The following LRRC4C variants were observed in gnomAD, a reference collection of about 807,000 sequenced individuals.
LRRC4C encodes the protein leucine rich repeat containing 4C.
Under a neutral mutation model 33.6 loss-of-function variants are expected in LRRC4C, and 5 were observed. That is an observed-to-expected ratio of 0.15 (90% CI 0.08 to 0.31). LRRC4C has a LOEUF of 0.31. Among genes scored for constraint, LRRC4C ranks in the 10% least tolerant of loss-of-function variants. The probability of loss-of-function intolerance (pLI) is 1.00; values close to 1 mark genes in which losing one functional copy is unlikely to be tolerated. For synonymous variants in LRRC4C, 329 were observed against 302.0 expected (o/e 1.09, Z -0.93); for missense variants, 560 against 796.7 (o/e 0.70, Z 3.58).
At chr11:40,723,914 T>C (rs1249211291) in intron 2 of LRRC4C, among the ~76,000 whole-genome samples, 1 of 151,916 alleles carries the variant, frequency 6.6e-6, no homozygotes, top group African/African-American at 2.4e-5. Context: ...GATGGAGAAA[T>C]ATCTACAATG....
At chr11:40,878,152 T>C (rs1333728006) in intron 2 of LRRC4C, among the ~76,000 whole-genome samples, 2 of 152,058 alleles carry the variant, frequency 1.3e-5, no homozygotes, top group Non-Finnish European at 2.9e-5. Context: ...AAGTGGTAGA[T>C]AACATAATGG....
chr11:40,200,765 CAAAAAAAAAA>C (rs762650999), intron 5 of LRRC4C, among the ~76,000 whole-genome samples: 2 of 70,962 alleles, frequency 2.8e-5, no homozygotes, highest in African/African-American at 1.3e-4. Flanking sequence ...GACTCCATCT[CAAAAAAAAAA>C]AAAAAAAAAA....
chr11:41,435,133 T>A (rs1955382436), intron 1 of LRRC4C, among the ~76,000 whole-genome samples: 2 of 152,164 alleles, frequency 1.3e-5, no homozygotes, highest in Admixed American at 6.5e-5. Context: ...AGGATATTGA[T>A]GCTTCCTTTT....
At chr11:40,848,071 GTCTA>G (rs149051046) in intron 2 of LRRC4C, among the ~76,000 whole-genome samples, 94,114 of 150,224 alleles carry the variant, frequency 0.63, 32,917 homozygotes, top group East Asian at 0.86. Flanking sequence ...CTGGCTAGTG[GTCTA>G]TCTATCTATC....
intron 4 of LRRC4C, among the ~76,000 whole-genome samples, chr11:40,298,363 A>T (rs111719329): frequency 2.0e-5 from 3 of 151,150 alleles, no homozygotes; most frequent in African/African-American, 7.3e-5. Context: ...GATCTTTTTG[A>T]TCTAGTGGCT....
chr11:41,128,834 G>A (rs916116207), intron 1 of LRRC4C, among the ~76,000 whole-genome samples: 3 of 151,928 alleles, frequency 2.0e-5, no homozygotes, highest in African/African-American at 7.2e-5. Context: ...CTGTGGAAAA[G>A]TTACATCCTG....
chr11:40,856,892 T>G (rs939695103), intron 2 of LRRC4C, among the ~76,000 whole-genome samples: 2 of 152,188 alleles, frequency 1.3e-5, no homozygotes, highest in Non-Finnish European at 2.9e-5. Context: ...ATACAGGGAA[T>G]GGGAATTTCC....
At chr11:40,938,466 A>G (rs1455196361) in intron 1 of LRRC4C, among the ~76,000 whole-genome samples, 1 of 152,172 alleles carries the variant, frequency 6.6e-6, no homozygotes, top group Non-Finnish European at 1.5e-5. Flanking sequence ...ATGGCAGTAA[A>G]TGTATGTGTT....
chr11:40,589,651 G>A (rs1485945580), intron 3 of LRRC4C, among the ~76,000 whole-genome samples: 1 of 151,678 alleles, frequency 6.6e-6, no homozygotes, highest in East Asian at 1.9e-4. Flanking sequence ...CTTCCTTCAG[G>A]AGCTCTTTTA....
At chr11:41,028,135 T>C (rs1856498659) in intron 1 of LRRC4C, among the ~76,000 whole-genome samples, 2 of 151,596 alleles carry the variant, frequency 1.3e-5, no homozygotes, top group South Asian at 4.1e-4. Context: ...TCTAGAAATG[T>C]CATTCTTTAA....
intron 1 of LRRC4C, among the ~76,000 whole-genome samples, chr11:41,188,968 A>T (rs1219881525): frequency 6.8e-6 from 1 of 147,778 alleles, no homozygotes; most frequent in African/African-American, 2.5e-5. Context: ...GATTCTTATT[A>T]AATAAAAATT....
chr11:40,351,870 A>T (rs1947405096), intron 3 of LRRC4C, among the ~76,000 whole-genome samples: 1 of 151,888 alleles, frequency 6.6e-6, no homozygotes, highest in South Asian at 2.1e-4. Flanking sequence ...ACTTTCATAG[A>T]ATATCTTTTT....
intron 3 of LRRC4C, among the ~76,000 whole-genome samples, chr11:40,366,479 G>C (rs1362851301): frequency 2.6e-5 from 4 of 151,864 alleles, no homozygotes; most frequent in African/African-American, 9.7e-5. Context: ...TGTGTATCAG[G>C]GAGATGGTGA....
intron 3 of LRRC4C, among the ~76,000 whole-genome samples, chr11:40,576,659 C>A (rs55880990): frequency 6.6e-6 from 1 of 152,136 alleles, no homozygotes; most frequent in African/African-American, 2.4e-5. Flanking sequence ...TGACCTGTTT[C>A]TTTCCCTACG....
chr11:41,292,752 C>G (rs533203270), intron 1 of LRRC4C, among the ~76,000 whole-genome samples: 1 of 152,204 alleles, frequency 6.6e-6, no homozygotes, highest in Non-Finnish European at 1.5e-5. Flanking sequence ...TCCTTTGGAT[C>G]ATAATAAAAT....
intron 1 of LRRC4C, among the ~76,000 whole-genome samples, chr11:40,965,339 G>T (rs1031377094): frequency 6.6e-6 from 1 of 152,066 alleles, no homozygotes; most frequent in African/African-American, 2.4e-5. Flanking sequence ...TCTGATGGTG[G>T]TTTCTTTTGC....
intron 3 of LRRC4C, among the ~76,000 whole-genome samples, chr11:40,471,701 G>C (rs1952947335): frequency 7.1e-6 from 1 of 141,266 alleles, no homozygotes; most frequent in Non-Finnish European, 1.5e-5. Flanking sequence ...AAAAAAGCAG[G>C]GGTTGCAATC....
At chr11:40,522,020 A>G (rs377670449) in intron 3 of LRRC4C, among the ~76,000 whole-genome samples, 2 of 152,180 alleles carry the variant, frequency 1.3e-5, no homozygotes, top group African/African-American at 4.8e-5. Flanking sequence ...ATTAACACCA[A>G]TTCCTGAGTG....
intron 1 of LRRC4C, among the ~76,000 whole-genome samples, chr11:41,227,770 T>C (rs7950229): frequency 0.077 from 11,676 of 152,178 alleles, 962 homozygotes; most frequent in African/African-American, 0.2. Flanking sequence ...CTCCTCAGAG[T>C]GAAAGCCATT....
Sources: allele counts gnomAD v4.1 joint callset (sites outside exome capture counted in the v4.1 genomes callset), GRCh38; gene constraint gnomAD v4.1.1; transcripts MANE v1.5; gene names NCBI Gene and HGNC (gene_info 2026-07-23, HGNC 2026-07-21).